SBF1: variants seen among roughly 807,000 people sequenced by gnomAD.
SBF1 encodes myotubularin-related protein 5.
A neutral mutation model predicts 215.8 loss-of-function variants in SBF1; 65 were observed. The ratio of observed to expected loss-of-function variants is 0.30; its 90% CI spans 0.25 to 0.37. The LOEUF is 0.37. SBF1 is among the 10% of genes least tolerant of loss of function. SBF1 has a pLI of 1.00. For missense variants in SBF1, 2,634 were observed against 2,667.8 expected, an observed-to-expected ratio of 0.99 and a Z score of 0.28; for synonymous variants, 1,410 against 1,122.8, an observed-to-expected ratio of 1.26 and a Z score of -5.11.
At position 50,465,834 on chromosome 22, in the gene SBF1, C is replaced by T. The variant is rs924261967; in HGVS notation, c.1018G>A (p.Asp340Asn). 17 of 1,612,716 alleles carry T rather than the reference C, an allele frequency of 1.1e-5. No individual in the cohort carries two copies. Among genetic ancestry groups the T allele is most frequent in the Non-Finnish European group, 1.4e-5 (17 of 1,179,726 alleles). Reference protein sequence around the residue: ...QTHSVLSMVLDPELELADLAF... With the variant: ...QTHSVLSMVLNPELELADLAF... ...AGGTCAGCCAACTCCAGCTCCGGGT[C>T]CAGGACCTGCCAGCACAGAATGGAG... Residue 340 changes from aspartate to asparagine, a missense_variant, in exon 10 of 41, where the codon GAC becomes AAC. Physicochemically the swap from Asp to Asn is conservative, Grantham distance 23 (BLOSUM62 1). Transcript: ENST00000380817.
rs750547090 is a variant in SBF1 at position 50,465,010 on chromosome 22, C to T, written c.1323G>A (p.Leu441=). The T allele has an allele frequency of 1.9e-5, 31 of 1,613,860 alleles. No homozygotes were observed. Among genetic ancestry groups the T allele is most frequent in the Non-Finnish European group, 2.6e-5 (31 of 1,179,950 alleles). Residue 441 remains leucine (L), a synonymous_variant, in exon 12 of 41, where the codon CTG becomes CTA. Coordinates refer to ENST00000380817, the MANE Select transcript of SBF1 (RefSeq NM_002972.4). The part of the protein sequence containing the change: ...ERGVPYRPTD[L]FDELVAHEVA... ...CAGGGTGGAGGTGCACCTCATCGAA[C>T]AGGTCCGTAGGGCGGTATGGGACCC... is the stretch of plus-strand genomic sequence containing the variant.
intron 31 of SBF1, 171 bp from the exon 32 acceptor site, chr22:50,455,753 G>A (rs527670506): frequency 4.8e-6 from 3 of 630,426 alleles, no homozygotes; most frequent in African/African-American, 1.8e-5. Flanking sequence ...CGCTCTGGGT[G>A]TGCCGACCAC....
At chr22:50,463,068 T>C (rs2067590234) in intron 16 of SBF1, 130 bp from the exon 17 acceptor site, 1 of 1,157,538 alleles carries the variant, frequency 8.6e-7, no homozygotes, top group Non-Finnish European at 1.3e-6. Flanking sequence ...TCCCCAAGGC[T>C]GCCTCAGAGG....
Position 50,466,181 on chromosome 22 carries a change from T to C in SBF1, c.866A>G (p.Asn289Ser), listed in dbSNP as rs770523423. The C allele has an allele frequency of 1.2e-6, 2 of 1,613,518 alleles. No homozygotes were observed. Among genetic ancestry groups the C allele is most frequent in the Non-Finnish European group, 1.7e-6 (2 of 1,180,026 alleles). ...CTGGGTCTCTGCCTGGAAGGCCGCG[T>C]TGACCCCAATGATGAAGGGCGTGGG... The part of the protein sequence containing the change: ...STPTPFIIGV[N>S]AAFQAETQEL... Residue 289 changes from asparagine to serine, a missense_variant, in exon 8 of 41, where the codon AAC (asparagine) becomes AGC (serine). Transcript: ENST00000380817.
rs369244386 is a variant in SBF1, at chr22:50,462,101, G to C, written c.2415C>G (p.Ala805=). 3.1e-6 allele frequency: 5 copies of C among 1,613,574 alleles called. No homozygotes were observed. Among genetic ancestry groups the C allele is most frequent in the African/African-American group, 1.3e-5 (1 of 74,942 alleles). Reference sequence around the variant, plus strand: ...AGCCGCTCTCCGTGTCATAGCTCTCGGCCACACTGCCAGCCATGCTGGGCC... The same window carrying C: ...AGCCGCTCTCCGTGTCATAGCTCTCCGCCACACTGCCAGCCATGCTGGGCC... ...LVTNSMAGSV[A]ESYDTESGFE... Residue 805 remains alanine (A), a synonymous_variant, in exon 20 of 41, where the codon GCC becomes GCG. Transcript: ENST00000380817.
chr22:50,448,287 C>T lies in SBF1; in HGVS notation c.5309G>A (p.Arg1770His), dbSNP rs762399206. The change falls in exon 38 of 41, where the codon CGC (arginine) becomes CAC (histidine). Residue 1770 changes from arginine to histidine, a missense_variant. Transcript: ENST00000380817. ...STTSGSRQAA[R>H]RSTSTLYSQF... ...GCTGTACAGGGTGCTGGTGCTGCGG[C>T]GGGCAGCCTGACGGGAGCCGGATGT... 32 of 1,613,044 alleles carry T rather than the reference C, an allele frequency of 2.0e-5. No individual in the cohort carries two copies. The highest frequency in any genetic ancestry group is 1.7e-4 in the Middle Eastern group (1 of 5,778).
intron 5 of SBF1, 197 bp from the exon 6 acceptor site, chr22:50,466,907 C>A: frequency 1.7e-6 from 1 of 574,626 alleles, no homozygotes; most frequent in South Asian, 2.3e-5. Context: ...AAACTCAGGA[C>A]AGGAGTGGCT....
At position 50,464,828 on chromosome 22, in the gene SBF1, G is replaced by A. The variant is rs202226725; in HGVS notation, c.1422C>T (p.Leu474=). The A allele has an allele frequency of 1.9e-6, 3 of 1,613,656 alleles. No homozygotes were observed. Among genetic ancestry groups the A allele is most frequent in the Non-Finnish European group, 2.5e-6 (3 of 1,180,014 alleles). ...CCTGCTACCCTCGTACGTTCTTGTA[G>A]AGCTGCTCTGCCAGTTCCTGGACGT... ...LRHVQELAEQ[L]YKNENPYPAV... The change falls in exon 13 of 41, where the codon CTC becomes CTT. Residue 474 remains leucine, a synonymous_variant. Coordinates refer to ENST00000380817, the MANE Select transcript of SBF1 (RefSeq NM_002972.4).
At chr22:50,463,152 C>T (rs1260508920) in intron 16 of SBF1, 131 bp downstream of exon 16, 7 of 1,293,572 alleles carry the variant, frequency 5.4e-6, no homozygotes, top group African/African-American at 4.4e-5. Flanking sequence ...CCCTGCAGAC[C>T]GAGGACCCCT....
At chr22:50,454,477 T>G in intron 36 of SBF1, 35 bp downstream of exon 36, 1 of 1,561,262 alleles carries the variant, frequency 6.4e-7, no homozygotes, top group Non-Finnish European at 8.8e-7. Flanking sequence ...AGGAGGGGGG[T>G]GCCAGGCCAG....
chr22:50,461,174 G>C lies in SBF1; in HGVS notation c.2952C>G (p.Arg984=), dbSNP rs369020162. The C allele has an allele frequency of 2.0e-5, 32 of 1,607,350 alleles. No homozygotes were observed. The highest frequency in any genetic ancestry group is 2.5e-5 in the Non-Finnish European group (29 of 1,176,406). ...DQLLQDGLQL[R]SCTFQLLKMA... ...CGCGCCCCACCTGGAATGTGCAGGA[G>C]CGCAGCTGGAGCCCGTCCTGCAGGA... The change falls in exon 23 of 41, where the codon CGC becomes CGG. Residue 984 remains arginine, a synonymous_variant. Coordinates refer to ENST00000380817, the MANE Select transcript of SBF1 (RefSeq NM_002972.4).
Position 50,465,318 on chromosome 22 carries a change from A to G in SBF1, c.1100T>C (p.Leu367Pro). 6.3e-7 allele frequency: 1 copy of G among 1,590,748 alleles called. No individual in the cohort carries two copies. The highest frequency in any genetic ancestry group is 8.6e-7 in the Non-Finnish European group (1 of 1,169,548). Residue 367 changes from leucine to proline, a missense_variant, in exon 11 of 41, where the codon CTG (leucine) becomes CCG (proline). Transcript: ENST00000380817. The part of the protein sequence containing the change: ...TSSLKMQDKE[L>P]RAVFLRLFAQ... ...GAACAGCCGCAGGAAGACCGCGCGC[A>G]GCTCCTTGTCCTGGGAGAAGAGCTG...
Position 50,466,729 on chromosome 22 carries a change from C to T in SBF1, c.550-19G>A, listed in dbSNP as rs980126885. 29 of 1,497,514 alleles carry T rather than the reference C, an allele frequency of 1.9e-5. No individual in the cohort carries two copies. Among genetic ancestry groups the T allele is most frequent in the Middle Eastern group, 3.4e-4 (2 of 5,804 alleles). 92.8% of individuals were successfully genotyped at this position (1,497,514 alleles called of 1,614,324 possible). On this transcript the variant is annotated intron_variant, in intron 5 of 40. Transcript: ENST00000380817. The stretch of plus-strand genomic sequence containing the variant: ...TCGTCCTCTGCAGCAAAAAAAGGAT[C>T]GGGGCTCAGTAGTTTGGCCAGAGCC...
In SBF1 at chr22:50,467,846, G is replaced by T. The variant is rs750211528; in HGVS notation, c.219C>A (p.Ile73=). 6.2e-7 allele frequency: 1 copy of T among 1,614,036 alleles called. No individual in the cohort carries two copies. The highest frequency in any genetic ancestry group is 1.1e-5 in the South Asian group (1 of 91,070). Residue 73 remains isoleucine, a synonymous_variant, in exon 3 of 41, where the codon ATC becomes ATA. Coordinates refer to ENST00000380817, the MANE Select transcript of SBF1 (RefSeq NM_002972.4). ...PTFFVAVLTD[I]NSERHYCACL... ...AGGCGCAGTAGTGGCGCTCGGAGTT[G>T]ATGTCGGTGAGGACAGCAACAAAGA...
chr22:50,464,365 G>A lies in SBF1; in HGVS notation c.1713C>T (p.Ser571=), dbSNP rs2067655500. The A allele has an allele frequency of 1.2e-6, 2 of 1,614,000 alleles. No homozygotes were observed. Among genetic ancestry groups the A allele is most frequent in the Admixed American group, 1.7e-5 (1 of 60,010 alleles). ...RRLEVVRNCI[S]YVFEGKMLEA... ...CAAGCATTTTCCCCTCAAACACGTAGGAGATGCAGTTGCGCACAACCTCCA... is the reference window on the plus strand; with the variant it reads ...CAAGCATTTTCCCCTCAAACACGTAAGAGATGCAGTTGCGCACAACCTCCA... The change falls in exon 15 of 41, where the codon TCC becomes TCT. Residue 571 remains serine (S), a synonymous_variant. Transcript: ENST00000380817.
At position 50,462,637 on chromosome 22, in the gene SBF1, C is replaced by T. The variant is rs372653382; in HGVS notation, c.2049G>A (p.Glu683=). Residue 683 remains glutamate (E), a synonymous_variant, in exon 18 of 41, where the codon GAG becomes GAA. Transcript: ENST00000380817. The part of the protein sequence containing the change: ...HVVWSTPQFW[E]AMFYGDVQTH... ...TCTGCACATCCCCATAGAACATGGC[C>T]TCCCAGAACTGTGGCGTGCTCCACA... 5 of 1,612,748 alleles carry T rather than the reference C, an allele frequency of 3.1e-6. No homozygotes were observed. The African/African-American group carries it at 4.0e-5, about 13-fold the overall frequency.
chr22:50,463,512 T>A (rs1486024503), intron 15 of SBF1, 80 bp from the exon 16 acceptor site: 1 of 1,429,734 alleles, frequency 7.0e-7, no homozygotes, highest in East Asian at 2.5e-5. Context: ...GCAGCAGGTG[T>A]CCAGGAGACC....
Position 50,463,340 on chromosome 22 carries a change from C to A in SBF1, c.1842G>T (p.Ala614=). ...ELHLHVQQNR[A]VLDHQQFDFV... is the part of the protein sequence containing the mutation. ...AGTCAAACTGCTGGTGGTCCAGGAC[C>A]GCACGGTTCTGCTGCACATGCAGGT... The change falls in exon 16 of 41, where the codon GCG becomes GCT. Residue 614 remains alanine (A), a synonymous_variant. Transcript: ENST00000380817. 1 of 1,612,332 alleles carries A rather than the reference C, an allele frequency of 6.2e-7. No individual in the cohort carries two copies. Among genetic ancestry groups the A allele is most frequent in the Non-Finnish European group, 8.5e-7 (1 of 1,179,314 alleles).
Position 50,464,872 on chromosome 22 carries a change from G to A in SBF1, c.1378C>T (p.Pro460Ser). Residue 460 changes from proline to serine, a missense_variant, in exon 13 of 41, where the codon CCC becomes TCC. Physicochemically the swap from Pro to Ser is moderately conservative, Grantham distance 74 (BLOSUM62 -1). Coordinates refer to ENST00000380817, the MANE Select transcript of SBF1 (RefSeq NM_002972.4). ...TGGACGTGACGCAGGACACGCTGGG[G>A]GTGGTTCTCATCCGCCCGCATCCTT... ...VARMRADENH[P>S]QRVLRHVQEL... 6.2e-7 allele frequency: 1 copy of A among 1,613,718 alleles called. No individual in the cohort carries two copies. Among genetic ancestry groups the A allele is most frequent in the South Asian group, 1.1e-5 (1 of 91,078 alleles).
Sources: gnomAD v4.1 joint callset for allele counts on GRCh38, gnomAD v4.1.1 for gene constraint, MANE v1.5 for transcripts, NCBI Gene and HGNC (gene_info 2026-07-23, HGNC 2026-07-21) for gene names.